The following CARMIL1 variants were observed in gnomAD, a reference collection of about 807,000 sequenced individuals.
CARMIL1 encodes the protein capping protein regulator and myosin 1 linker 1, also known as F-actin-uncapping protein LRRC16A.
A neutral mutation model predicts 177.1 loss-of-function variants in CARMIL1; 90 were observed. The observed-to-expected ratio is 0.51, with a 90% CI of 0.43 to 0.61. The LOEUF is 0.61. CARMIL1 is among the 20% of genes least tolerant of loss of function. The pLI, the probability that CARMIL1 is intolerant of heterozygous loss-of-function variation, is 0.00. For synonymous variants in CARMIL1, 577 were observed against 606.2 expected (o/e 0.95, Z 0.71); for missense variants, 1,380 against 1,667.0 (o/e 0.83, Z 3.00).
At chr6:25,470,839 G>T (rs1801036895) in intron 9 of CARMIL1, among the ~76,000 whole-genome samples, 1 of 152,124 alleles carries the variant, frequency 6.6e-6, no homozygotes, top group African/African-American at 2.4e-5. Flanking sequence ...GTTCCCAAAG[G>T]CACCTAATTG....
chr6:25,287,413 AT>A (rs1214121769), intron 2 of CARMIL1: 13 of 152,382 alleles, frequency 8.5e-5, no homozygotes, highest in Admixed American at 7.2e-4. Flanking sequence ...AATAGCTAAT[AT>A]TTCTAAAAAT....
chr6:25,600,851 C>T, intron 33 of CARMIL1, 105 bp downstream of exon 33: 3 of 1,025,906 alleles, frequency 2.9e-6, no homozygotes, highest in Non-Finnish European at 4.1e-6. Flanking sequence ...TCACCTTAAA[C>T]ATTTAACTTT....
intron 11 of CARMIL1, among the ~76,000 whole-genome samples, chr6:25,481,094 A>G (rs942673038): frequency 6.7e-6 from 1 of 150,066 alleles, no homozygotes; most frequent in Non-Finnish European, 1.5e-5. Flanking sequence ...TCAACTTGTT[A>G]GTCACTTATT....
At chr6:25,508,260 A>T (rs1175211782) in intron 17 of CARMIL1, among the ~76,000 whole-genome samples, 1 of 152,178 alleles carries the variant, frequency 6.6e-6, no homozygotes, top group East Asian at 1.9e-4. Flanking sequence ...AGTCTTGACA[A>T]TAGCTTCACA....
At chr6:25,413,044 TTC>T (rs1422844682) in intron 2 of CARMIL1, among the ~76,000 whole-genome samples, 1 of 152,168 alleles carries the variant, frequency 6.6e-6, no homozygotes, top group Non-Finnish European at 1.5e-5. Flanking sequence ...AGAGGTTTTA[TTC>T]TCCTTCAGTT....
At chr6:25,441,337 A>ATATATATATATATATATATGTGTGTGTG in intron 5 of CARMIL1, among the ~76,000 whole-genome samples, 2 of 94,536 alleles carry the variant, frequency 2.1e-5, no homozygotes, top group African/African-American at 4.4e-5. Flanking sequence ...ATATATATAT[A>ATATATATATATATATATATGTGTGTGTG]TGTGTGTGTG....
chr6:25,317,445 C>T (rs1209995323), intron 2 of CARMIL1, among the ~76,000 whole-genome samples: 1 of 150,604 alleles, frequency 6.6e-6, no homozygotes, highest in African/African-American at 2.5e-5. Flanking sequence ...ACCCTAAATG[C>T]TTTTATTTAG....
At chr6:25,541,618 A>AT (rs1183023285) in intron 26 of CARMIL1, among the ~76,000 whole-genome samples, 2 of 151,884 alleles carry the variant, frequency 1.3e-5, no homozygotes, top group Non-Finnish European at 2.9e-5. Flanking sequence ...ACCTTTTAAT[A>AT]TTTTTCAATG....
chr6:25,445,139 C>CT (rs1798106967), intron 5 of CARMIL1, among the ~76,000 whole-genome samples: 1 of 152,224 alleles, frequency 6.6e-6, no homozygotes, highest in Non-Finnish European at 1.5e-5. Context: ...TTCACAGTAT[C>CT]TTTATCAGAA....
In CARMIL1 at chr6:25,619,451, AAGG is replaced by A; in HGVS notation, c.3987_3989del (p.Arg1330del). The A allele has an allele frequency of 6.2e-7, 1 of 1,609,986 alleles. No individual in the cohort carries two copies. Among genetic ancestry groups the A allele is most frequent in the Non-Finnish European group, 8.5e-7 (1 of 1,178,580 alleles). ...CGACTTCCCTTTTTATTTCAGTTTC[AAGG>A]AGAAGCTGGGGCCAGCAGGCCCAGG... On this transcript the variant is annotated inframe_deletion, in exon 37 of 37. Transcript: ENST00000329474.
intron 4 of CARMIL1, among the ~76,000 whole-genome samples, chr6:25,428,645 C>T (rs879372391): frequency 6.6e-5 from 10 of 152,232 alleles, no homozygotes; most frequent in African/African-American, 1.4e-4. Context: ...GTACAGTCTT[C>T]GGACCTAAGA....
chr6:25,488,372 G>A (rs1002684873), intron 12 of CARMIL1, 110 bp from the exon 13 acceptor site: 36 of 814,590 alleles, frequency 4.4e-5, no homozygotes, highest in Non-Finnish European at 7.0e-5. Flanking sequence ...AGTGCTCATG[G>A]TTAACCTCAG....
chr6:25,460,504 A>G (rs1000629542), intron 8 of CARMIL1, among the ~76,000 whole-genome samples: 3 of 152,112 alleles, frequency 2.0e-5, no homozygotes, highest in African/African-American at 7.2e-5. Context: ...AATGAATTCT[A>G]GGGGTCCTGA....
chr6:25,361,844 C>T (rs2150395816), intron 2 of CARMIL1, among the ~76,000 whole-genome samples: 1 of 152,260 alleles, frequency 6.6e-6, no homozygotes, highest in African/African-American at 2.4e-5. Context: ...ATGATGCTCT[C>T]TACTATGTTA....
chr6:25,604,367 A>T (rs1218660941), intron 33 of CARMIL1, among the ~76,000 whole-genome samples: 1 of 152,204 alleles, frequency 6.6e-6, no homozygotes, highest in Non-Finnish European at 1.5e-5. Context: ...TACAGGCATG[A>T]GCCACTGCAC....
intron 2 of CARMIL1, among the ~76,000 whole-genome samples, chr6:25,389,647 A>T (rs1200165440): frequency 1.3e-5 from 2 of 152,246 alleles, no homozygotes; most frequent in African/African-American, 4.8e-5. Flanking sequence ...TTGAGTCAGC[A>T]TGTGAAAAGG....
intron 8 of CARMIL1, among the ~76,000 whole-genome samples, chr6:25,463,475 T>C (rs1210245681): frequency 6.6e-6 from 1 of 152,232 alleles, no homozygotes; most frequent in Admixed American, 6.5e-5. Flanking sequence ...TTCCTGAAAA[T>C]GACTTCATCT....
chr6:25,428,943 T>G lies in CARMIL1; in HGVS notation c.249+2383T>G, dbSNP rs995460598. Among the ~76,000 whole-genome samples the G allele has an allele frequency of 2.6e-5, 4 of 152,350 alleles. No homozygotes were observed. In the East Asian group the frequency reaches 5.8e-4, roughly 22 times the overall value. ...TAGCTTTTAAAAATAGACTTCATCA[T>G]TTTTTACAAAGATGATGTCATTTGT... On this transcript the variant is annotated intron_variant, in intron 4 of 36. Transcript: ENST00000329474.
intron 16 of CARMIL1, 43 bp from the exon 17 acceptor site, chr6:25,500,123 G>A (rs775622209): frequency 6.4e-7 from 1 of 1,557,822 alleles, no homozygotes; most frequent in Admixed American, 1.7e-5. Flanking sequence ...CTTTTGGGCA[G>A]TGTGTGGAAT....
Sources: gnomAD v4.1 joint callset for allele counts (sites outside exome capture counted in the v4.1 genomes callset) on GRCh38, gnomAD v4.1.1 for gene constraint, MANE v1.5 for transcripts, NCBI Gene and HGNC (gene_info 2026-07-23, HGNC 2026-07-21) for gene names.